Variants in PEX14 observed in about 807,000 individuals in gnomAD.
PEX14 encodes the protein peroxisomal membrane protein PEX14.
A neutral mutation model predicts 49.5 loss-of-function variants in PEX14; 15 were observed. The ratio of observed to expected loss-of-function variants is 0.30; its 90% CI spans 0.20 to 0.47. PEX14 has a LOEUF of 0.47. PEX14 is among the 20% of genes least tolerant of loss of function. The pLI is 1.00. For missense variants in PEX14, 398 were observed against 494.8 expected (o/e 0.80, Z 1.86); for synonymous variants, 210 against 212.7 (o/e 0.99, Z 0.11).
At chr1:10,480,379 C>G (rs572908860) in intron 1 of PEX14, among the ~76,000 whole-genome samples, 30 of 140,494 alleles carry the variant, frequency 2.1e-4, no homozygotes, top group African/African-American at 7.8e-4. Flanking sequence ...GCCACTACGC[C>G]TGGCTAACTT....
intron 3 of PEX14, among the ~76,000 whole-genome samples, chr1:10,569,506 A>ACTC (rs1639910616): frequency 6.6e-6 from 1 of 152,018 alleles, no homozygotes; most frequent in Admixed American, 6.6e-5. Context: ...GCCTTTCCCG[A>ACTC]TGACTCTGGG....
At chr1:10,627,950 T>G (rs544192568) in intron 8 of PEX14, among the ~76,000 whole-genome samples, 8 of 152,314 alleles carry the variant, frequency 5.3e-5, no homozygotes, top group African/African-American at 1.9e-4. Flanking sequence ...TTTTATTTTT[T>G]TTTGAGATGG....
At chr1:10,541,535 G>C (rs990807303) in intron 3 of PEX14, among the ~76,000 whole-genome samples, 5 of 152,242 alleles carry the variant, frequency 3.3e-5, no homozygotes, top group Admixed American at 6.5e-5. Context: ...GGAGCTGCTC[G>C]TGCGGAGCAG....
chr1:10,499,655 G>A (rs911802857), intron 2 of PEX14, among the ~76,000 whole-genome samples: 20 of 151,976 alleles, frequency 1.3e-4, no homozygotes, highest in African/African-American at 4.4e-4. Context: ...CACCATGTTG[G>A]CCAGGATGGT....
chr1:10,487,309 C>T (rs1641387117), intron 1 of PEX14, among the ~76,000 whole-genome samples: 1 of 147,012 alleles, frequency 6.8e-6, no homozygotes, highest in Non-Finnish European at 1.5e-5. Context: ...TAGTACTGGC[C>T]TCATGGAGTG....
chr1:10,509,974 G>T (rs1309256870), intron 2 of PEX14, among the ~76,000 whole-genome samples: 2 of 152,126 alleles, frequency 1.3e-5, no homozygotes, highest in African/African-American at 4.8e-5. Flanking sequence ...AATACAGGGG[G>T]CCTCAAGATA....
At position 10,611,397 on chromosome 1, in the gene PEX14, A is replaced by G. The variant is rs116557449; in HGVS notation, c.299-6935A>G. 9.5e-3 allele frequency among the ~76,000 whole-genome samples: 1,443 copies of G among 152,316 alleles called. 29 individuals carry two copies. The highest frequency in any genetic ancestry group is 0.033 in the African/African-American group (1,360 of 41,568). On this transcript the variant is annotated intron_variant, in intron 4 of 8. Coordinates refer to ENST00000356607, the MANE Select transcript of PEX14 (RefSeq NM_004565.3). ...TGTACCGCAATTTCTTTATCTGTTG[A>G]CCAGTTGGTAGTCATCTGGCTTGCT...
intron 1 of PEX14, among the ~76,000 whole-genome samples, chr1:10,493,300 G>T (rs1014071731): frequency 2.0e-5 from 3 of 152,200 alleles, no homozygotes; most frequent in African/African-American, 7.2e-5. Context: ...TTGCATCCCA[G>T]AATATGAATT....
rs969209308 is a variant in PEX14, at chr1:10,539,245, T to C, written c.169+2948T>C. ...TGGTATAGGGATGGAAGAGCATTGGTTTGCAAAGGTCTTTCCTGTTACTTT... is the reference window on the plus strand; with the variant it reads ...TGGTATAGGGATGGAAGAGCATTGGCTTGCAAAGGTCTTTCCTGTTACTTT... On this transcript the variant is annotated intron_variant, in intron 3 of 8. Transcript: ENST00000356607. This position sits in a 1 kb window ranked among gnomAD's most constrained non-coding sequence, Gnocchi z 4.6. Among the ~76,000 whole-genome samples the C allele has an allele frequency of 5.9e-5, 9 of 152,122 alleles. No individual in the cohort carries two copies. The highest frequency in any genetic ancestry group is 1.2e-4 in the Non-Finnish European group (8 of 68,010).
At chr1:10,610,319 T>C (rs1319300702) in intron 4 of PEX14, among the ~76,000 whole-genome samples, 6 of 147,768 alleles carry the variant, frequency 4.1e-5, no homozygotes, top group Non-Finnish European at 8.9e-5. Flanking sequence ...ATTTATTATA[T>C]ATTTATATAT....
At chr1:10,527,284 C>T (rs541097281) in intron 2 of PEX14, among the ~76,000 whole-genome samples, 19 of 146,068 alleles carry the variant, frequency 1.3e-4, no homozygotes, top group African/African-American at 4.3e-4. Flanking sequence ...TTTGGGAGGC[C>T]GAAACTGGCA....
intron 4 of PEX14, among the ~76,000 whole-genome samples, chr1:10,611,865 T>C (rs935184995): frequency 1.3e-5 from 2 of 152,230 alleles, no homozygotes; most frequent in African/African-American, 4.8e-5. Flanking sequence ...TTGTCAGAGC[T>C]CTTTATGTAT....
chr1:10,526,738 C>A (rs1390220525), intron 2 of PEX14, among the ~76,000 whole-genome samples: 1 of 151,970 alleles, frequency 6.6e-6, no homozygotes, highest in Non-Finnish European at 1.5e-5. Context: ...GTGAGCATTT[C>A]CTTTGTGCAT....
chr1:10,488,853 C>T (rs972445022), intron 1 of PEX14, among the ~76,000 whole-genome samples: 1 of 152,056 alleles, frequency 6.6e-6, no homozygotes, highest in Non-Finnish European at 1.5e-5. Flanking sequence ...GACATGTTTT[C>T]ATTTAAATAC....
At chr1:10,615,155 A>G (rs931992943) in intron 4 of PEX14, among the ~76,000 whole-genome samples, 2 of 152,230 alleles carry the variant, frequency 1.3e-5, no homozygotes, top group South Asian at 2.1e-4. Context: ...CTTGCTAACC[A>G]TAACACAAAC....
chr1:10,507,847 C>T (rs1641813888), intron 2 of PEX14, among the ~76,000 whole-genome samples: 1 of 152,212 alleles, frequency 6.6e-6, no homozygotes, highest in South Asian at 2.1e-4. Flanking sequence ...ACAAATTCCT[C>T]ATTGTCAGAG....
intron 2 of PEX14, among the ~76,000 whole-genome samples, chr1:10,516,117 A>T (rs1362367806): frequency 6.6e-6 from 1 of 152,240 alleles, no homozygotes; most frequent in Non-Finnish European, 1.5e-5. Context: ...CTTTTCTGGC[A>T]GAATACCGAA....
chr1:10,619,270 C>T (rs1641523539), intron 5 of PEX14, among the ~76,000 whole-genome samples: 1 of 151,708 alleles, frequency 6.6e-6, no homozygotes, highest in Admixed American at 6.6e-5. Context: ...TGTAGAGAAG[C>T]CTCTTTTCTT....
At chr1:10,563,579 C>T (rs1049719622) in intron 3 of PEX14, among the ~76,000 whole-genome samples, 1 of 151,718 alleles carries the variant, frequency 6.6e-6, no homozygotes, top group Non-Finnish European at 1.5e-5. Context: ...GAGCCGAGAT[C>T]GTGCCATTGC....
Sources: gnomAD v4.1 joint callset for allele counts (sites outside exome capture counted in the v4.1 genomes callset) on GRCh38, gnomAD v4.1.1 for gene constraint, Gnocchi (gnomAD v3.1) non-coding constraint, MANE v1.5 for transcripts, NCBI Gene and HGNC (gene_info 2026-07-23, HGNC 2026-07-21) for gene names.